Variants in MEGF6 observed in about 807,000 individuals in gnomAD.
MEGF6 encodes the protein multiple epidermal growth factor-like domains protein 6.
Under a neutral mutation model 207.1 loss-of-function variants are expected in MEGF6, and 184 were observed. That is an observed-to-expected ratio of 0.89 (90% CI 0.79 to 1.00). MEGF6 has a LOEUF of 1.00. MEGF6 is among the 50% of genes least tolerant of loss of function. The pLI is 0.00. For missense variants in MEGF6, 2,282 were observed against 2,202.9 expected (o/e 1.04, Z -0.72); for synonymous variants, 1,038 against 910.0 (o/e 1.14, Z -2.53).
At position 3,499,265 on chromosome 1, in the gene MEGF6, G is replaced by A; in HGVS notation, c.2967C>T (p.Thr989=). ...AGRRGPRCAE[T]CPAHTYGHNC... is the part of the protein sequence containing the mutation. Reference sequence around the variant, plus strand: ...TGTGCCCGTAGGTGTGGGCTGGGCAGGCTGCAGGTGGAGAGGGCTGGTCAG... The same window carrying A: ...TGTGCCCGTAGGTGTGGGCTGGGCAAGCTGCAGGTGGAGAGGGCTGGTCAG... The change falls in exon 24 of 37, where the codon ACC becomes ACT. Residue 989 remains threonine, a splice_region_variant and synonymous_variant. Coordinates refer to ENST00000356575, the MANE Select transcript of MEGF6 (RefSeq NM_001409.4). 6.2e-7 allele frequency: 1 copy of A among 1,603,164 alleles called. No individual in the cohort carries two copies. Among genetic ancestry groups the A allele is most frequent in the Non-Finnish European group, 8.5e-7 (1 of 1,175,926 alleles).
rs199903766 is a variant in MEGF6, at chr1:3,501,012, T to G, written c.2529A>C (p.Gly843=). 7.4e-6 allele frequency: 12 copies of G among 1,612,502 alleles called. No homozygotes were observed. In the African/African-American group the frequency reaches 1.3e-4, roughly 18 times the overall value. ...TCCACCCGGGGGCACAGCTGCAGTG[T>G]CCGGTGGCTGGGTGGCAGTGCCCAT... is the stretch of plus-strand genomic sequence containing the variant. ...ANDGHCHPAT[G]HCSCAPGWTG... Residue 843 remains glycine (G), a synonymous_variant, in exon 20 of 37, where the codon GGA becomes GGC. Coordinates refer to ENST00000356575, the MANE Select transcript of MEGF6 (RefSeq NM_001409.4).
chr1:3,608,148 A>C (rs115176445), intron 1 of MEGF6, among the ~76,000 whole-genome samples: 3,870 of 152,124 alleles, frequency 0.025, 76 homozygotes, highest in Non-Finnish European at 0.034. Context: ...TCCTCTGCTT[A>C]TGCTTCCCAG....
intron 5 of MEGF6, among the ~76,000 whole-genome samples, chr1:3,518,550 C>T (rs937101280): frequency 4.6e-5 from 7 of 152,246 alleles, no homozygotes; most frequent in African/African-American, 1.4e-4. Flanking sequence ...CCTCTGAGCT[C>T]GTTGGCTGAC....
At chr1:3,552,084 T>C (rs1642906779) in intron 4 of MEGF6, among the ~76,000 whole-genome samples, 2 of 152,226 alleles carry the variant, frequency 1.3e-5, no homozygotes, top group South Asian at 4.1e-4. Context: ...GGCTCAACTC[T>C]GGGTGCATTT....
intron 4 of MEGF6, among the ~76,000 whole-genome samples, chr1:3,558,719 A>G (rs1643106308): frequency 6.6e-6 from 1 of 152,234 alleles, no homozygotes; most frequent in Non-Finnish European, 1.5e-5. Flanking sequence ...ATCGTGATGG[A>G]TGCGAGCAGC....
intron 3 of MEGF6, 99 bp downstream of exon 3, chr1:3,595,239 G>T: frequency 1.3e-6 from 1 of 790,278 alleles, no homozygotes; most frequent in Non-Finnish European, 2.1e-6. Flanking sequence ...TGTTGCTGGG[G>T]AAGGGCGATC....
chr1:3,557,705 G>C (rs928043609), intron 4 of MEGF6, among the ~76,000 whole-genome samples: 19 of 152,246 alleles, frequency 1.2e-4, no homozygotes, highest in African/African-American at 4.6e-4. Context: ...CCCTGGCAAG[G>C]AGAGACGGGG....
chr1:3,586,511 G>A (rs1643896148), intron 3 of MEGF6, among the ~76,000 whole-genome samples: 1 of 152,148 alleles, frequency 6.6e-6, no homozygotes. Context: ...TCCATAGGAG[G>A]AGAGACGTGG....
At chr1:3,624,364 T>C in the MEGF6 span, 2 of 152,350 alleles carry the variant, frequency 1.3e-5, no homozygotes, top group African/African-American at 4.8e-5. Context: ...CCTCTCTGTG[T>C]GCACTGGCTT....
intron 2 of MEGF6, among the ~76,000 whole-genome samples, chr1:3,598,725 C>G (rs954930857): frequency 8.1e-5 from 12 of 149,012 alleles, no homozygotes; most frequent in East Asian, 3.9e-4. Flanking sequence ...GCCCCCCCCC[C>G]CCCCCCGGGG....
At chr1:3,602,655 C>T (rs540401459) in intron 1 of MEGF6, 55 bp from the exon 2 acceptor site, 35 of 1,558,484 alleles carry the variant, frequency 2.2e-5, no homozygotes, top group Non-Finnish European at 2.9e-5. Flanking sequence ...CGGCAACACC[C>T]ACCCCTCCTG....
At chr1:3,614,286 GTCAC>G (rs1167908522), upstream of MEGF6, among the ~76,000 whole-genome samples, 2 of 152,196 alleles carry the variant, frequency 1.3e-5, no homozygotes, top group African/African-American at 4.8e-5. Context: ...GGGCATGGGT[GTCAC>G]TCAGACATGT....
intron 4 of MEGF6, among the ~76,000 whole-genome samples, chr1:3,544,636 G>A (rs1412902075): frequency 4.0e-4 from 45 of 111,456 alleles, no homozygotes; most frequent in Non-Finnish European, 5.2e-5. Context: ...GAACCTGCCA[G>A]GCAGCCCCCA....
Position 3,499,899 on chromosome 1 carries a change from G to T in MEGF6, c.2733C>A (p.Pro911=). 6.4e-7 allele frequency: 1 copy of T among 1,561,942 alleles called. No homozygotes were observed. The highest frequency in any genetic ancestry group is 2.4e-5 in the East Asian group (1 of 41,834). The change falls in exon 22 of 37, where the codon CCC becomes CCA. Residue 911 remains proline (P), a synonymous_variant. Transcript: ENST00000356575. Reference sequence around the variant, plus strand: ...GACACTGGCACCGCTGCTCACAGCCGGGCCCAAAGTGGCCCTGGGGACACT... The same window carrying T: ...GACACTGGCACCGCTGCTCACAGCCTGGCCCAAAGTGGCCCTGGGGACACT... The part of the protein sequence containing the change: ...EQQCPQGHFG[P]GCEQRCQCQH...
At chr1:3,609,252 C>T (rs1209318066) in intron 1 of MEGF6, among the ~76,000 whole-genome samples, 1 of 152,196 alleles carries the variant, frequency 6.6e-6, no homozygotes, top group Non-Finnish European at 1.5e-5. Flanking sequence ...CTTTCTGCTC[C>T]ACAGAGTGAG....
chr1:3,520,060 G>A (rs1428682374), intron 5 of MEGF6, among the ~76,000 whole-genome samples: 1 of 152,254 alleles, frequency 6.6e-6, no homozygotes, highest in African/African-American at 2.4e-5. Context: ...CATGGGCCGA[G>A]AAGGGGAGAA....
Position 3,512,106 on chromosome 1 carries a change from C to T in MEGF6, c.876G>A (p.Gly292=), listed in dbSNP as rs764404541. Residue 292 remains glycine (G), a synonymous_variant, in exon 8 of 37, where the codon GGG becomes GGA. Coordinates refer to ENST00000356575, the MANE Select transcript of MEGF6 (RefSeq NM_001409.4). ...ACEDVDECAA[G]LAQCAHGCLN... is the part of the protein sequence containing the mutation. ...GGCAGCCATGGGCACACTGGGCCAG[C>T]CCTGCGGCACATTCGTCCACATCTG... The T allele has an allele frequency of 1.2e-6, 2 of 1,609,084 alleles. No homozygotes were observed. The highest frequency in any genetic ancestry group is 1.7e-5 in the Admixed American group (1 of 59,832).
chr1:3,546,693 G>C, intron 4 of MEGF6, among the ~76,000 whole-genome samples: 1 of 149,594 alleles, frequency 6.7e-6, no homozygotes, highest in South Asian at 2.1e-4. Flanking sequence ...CAGTGGGCTG[G>C]GAAGGGGGCT....
intron 10 of MEGF6, 81 bp from the exon 11 acceptor site, chr1:3,510,073 C>T: frequency 1.3e-6 from 2 of 1,498,918 alleles, no homozygotes; most frequent in Non-Finnish European, 1.8e-6. Context: ...GTCCTACCCA[C>T]AGGACTGAAG....
Sources: allele counts gnomAD v4.1 joint callset (sites outside exome capture counted in the v4.1 genomes callset), GRCh38; gene constraint gnomAD v4.1.1; transcripts MANE v1.5; gene names NCBI Gene and HGNC (gene_info 2026-07-23, HGNC 2026-07-21).